Variants in CYP20A1 observed in about 807,000 individuals in gnomAD.
CYP20A1 encodes the protein cytochrome P450 20A1.
In CYP20A1, 61 loss-of-function variants were observed where a neutral mutation model predicts 61.4. The observed-to-expected ratio is 0.99, with a 90% CI of 0.81 to 1.23. The LOEUF (loss-of-function observed/expected upper bound fraction) is 1.23. Ranked by LOEUF, CYP20A1 falls within the 50% of genes most tolerant of loss-of-function variation. The pLI is 0.00. For synonymous variants in CYP20A1, 193 were observed against 188.2 expected (o/e 1.03, Z -0.21); for missense variants, 530 against 542.4 (o/e 0.98, Z 0.23).
chr2:203,292,472 C>T (rs2068578842), intron 11 of CYP20A1, 146 bp downstream of exon 11: 1 of 622,474 alleles, frequency 1.6e-6, no homozygotes, highest in Admixed American at 2.5e-5. Context: ...TCTTCTCTTT[C>T]TTTTGAGACA....
chr2:203,280,127 G>A lies in CYP20A1; in HGVS notation c.850+14G>A, dbSNP rs368767754. 1.9e-6 allele frequency: 3 copies of A among 1,590,164 alleles called. No homozygotes were observed. The highest frequency in any genetic ancestry group is 1.7e-4 in the Middle Eastern group (1 of 5,744). On this transcript the variant is annotated intron_variant, in intron 8 of 12. Transcript: ENST00000356079. ...TAACTGCAAAATGTAAGTATAAATT[G>A]ATTTCTTTTTCAGAGGAATTACTAA...
At chr2:203,267,583 G>T (rs574703545) in intron 5 of CYP20A1, among the ~76,000 whole-genome samples, 13 of 150,160 alleles carry the variant, frequency 8.7e-5, no homozygotes, top group African/African-American at 3.2e-4. Context: ...GGTGGCTCAC[G>T]CCTGTAATCT....
intron 9 of CYP20A1, among the ~76,000 whole-genome samples, chr2:203,286,602 A>G (rs1262401187): frequency 6.6e-6 from 1 of 151,976 alleles, no homozygotes; most frequent in Non-Finnish European, 1.5e-5. Context: ...AATACTGGCT[A>G]CTATATGATT....
intron 1 of CYP20A1, among the ~76,000 whole-genome samples, chr2:203,241,417 G>A (rs756971806): frequency 2.0e-5 from 3 of 152,204 alleles, no homozygotes; most frequent in Non-Finnish European, 1.5e-5. Flanking sequence ...AAAGCGAGGA[G>A]AACTGGTTGC....
chr2:203,251,779 C>CTA (rs1372940766), intron 3 of CYP20A1, among the ~76,000 whole-genome samples, 188 bp from the exon 4 acceptor site: 117 of 34,972 alleles, frequency 3.3e-3, no homozygotes, highest in African/African-American at 7.8e-3. Context: ...CAAAAGAAAA[C>CTA]TATATATATA....
At position 203,239,053 on chromosome 2, in the gene CYP20A1, CG is replaced by C. The variant is rs1340972067; in HGVS notation, c.-8del. ...CCGATCCGAGACGTGGCTCCCTGGG[CG>C]GCAGAACCATGTTGGACTTCGCGAT... On this transcript the variant is annotated 5_prime_UTR_variant, in exon 1 of 13. Transcript: ENST00000356079. The C allele has an allele frequency of 8.1e-6, 13 of 1,613,088 alleles. No individual in the cohort carries two copies. Among genetic ancestry groups the C allele is most frequent in the African/African-American group, 1.3e-5 (1 of 74,926 alleles).
At chr2:203,255,357 A>T (rs941018889) in intron 4 of CYP20A1, among the ~76,000 whole-genome samples, 1 of 152,260 alleles carries the variant, frequency 6.6e-6, no homozygotes, top group Non-Finnish European at 1.5e-5. Flanking sequence ...AAATAGCAAG[A>T]TCTAATAATC....
rs2068630627 is a variant in CYP20A1 at position 203,293,436 on chromosome 2, C to T, written c.1148+1110C>T. On this transcript the variant is annotated intron_variant, in intron 11 of 12. Coordinates refer to ENST00000356079, the MANE Select transcript of CYP20A1 (RefSeq NM_177538.3). ...TTCACCATGTTAGCCAGGATGGTCT[C>T]GATCTCCTGACCTCATGATCCACCC... Among the ~76,000 whole-genome samples the T allele has an allele frequency of 2.0e-5, 3 of 150,226 alleles. No individual in the cohort carries two copies. In the South Asian group the frequency reaches 6.3e-4, roughly 32 times the overall value.
At chr2:203,276,885 T>C (rs1294744142) in intron 6 of CYP20A1, among the ~76,000 whole-genome samples, 1 of 152,030 alleles carries the variant, frequency 6.6e-6, no homozygotes, top group Non-Finnish European at 1.5e-5. Flanking sequence ...AGGTAGTGAA[T>C]ATAGATAGAA....
Position 203,302,610 on chromosome 2 carries a change from CAT to C in CYP20A1, c.*5705_*5706del, listed in dbSNP as rs1375170023. Among the ~76,000 whole-genome samples, 1 of 152,272 alleles carries C rather than the reference CAT, an allele frequency of 6.6e-6. No individual in the cohort carries two copies. Among genetic ancestry groups the C allele is most frequent in the African/African-American group, 2.4e-5 (1 of 41,568 alleles). ...TATACAAAATATTATTTGCATTTAA[CAT>C]ATTCTGAACCAATAGTCTTTTCTAC... On this transcript the variant is annotated 3_prime_UTR_variant, in exon 13 of 13. Coordinates refer to ENST00000356079, the MANE Select transcript of CYP20A1 (RefSeq NM_177538.3).
chr2:203,243,268 C>T (rs1051340198), intron 1 of CYP20A1, among the ~76,000 whole-genome samples: 9 of 151,918 alleles, frequency 5.9e-5, no homozygotes, highest in African/African-American at 9.7e-5. Flanking sequence ...CTCATCCTCC[C>T]GAGAAGCTGA....
chr2:203,255,620 A>G (rs182568871), intron 4 of CYP20A1, among the ~76,000 whole-genome samples: 173 of 152,186 alleles, frequency 1.1e-3, no homozygotes, highest in African/African-American at 4.1e-3. Context: ...GTATCTGTGG[A>G]CTCTAGTTTG....
At chr2:203,250,169 T>A (rs1309607487) in intron 3 of CYP20A1, among the ~76,000 whole-genome samples, 1 of 151,838 alleles carries the variant, frequency 6.6e-6, no homozygotes, top group African/African-American at 2.4e-5. Context: ...TATATTAGCA[T>A]TGTTTATAAA....
At position 203,301,508 on chromosome 2, in the gene CYP20A1, C is replaced by T. The variant is rs1210233938; in HGVS notation, c.*4600C>T. 6.6e-6 allele frequency among the ~76,000 whole-genome samples: 1 copy of T among 152,008 alleles called. No homozygotes were observed. Among genetic ancestry groups the T allele is most frequent in the Non-Finnish European group, 1.5e-5 (1 of 68,014 alleles). ...CTTGTCTCAAACTCCTAGGCTCAAGCGATCCTCCCACCTGGGCCTCCCAAA... is the reference window on the plus strand; with the variant it reads ...CTTGTCTCAAACTCCTAGGCTCAAGTGATCCTCCCACCTGGGCCTCCCAAA... On this transcript the variant is annotated 3_prime_UTR_variant, in exon 13 of 13. Coordinates refer to ENST00000356079, the MANE Select transcript of CYP20A1 (RefSeq NM_177538.3).
At chr2:203,241,769 A>T (rs2066262742) in intron 1 of CYP20A1, among the ~76,000 whole-genome samples, 1 of 152,216 alleles carries the variant, frequency 6.6e-6, no homozygotes, top group South Asian at 2.1e-4. Context: ...GCCCCAGGCG[A>T]TCCTCGCACC....
At chr2:203,249,578 C>G (rs2066584327) in intron 3 of CYP20A1, among the ~76,000 whole-genome samples, 1 of 152,142 alleles carries the variant, frequency 6.6e-6, no homozygotes, top group African/African-American at 2.4e-5. Context: ...GGCATGGTGG[C>G]TCACGCCTGT....
chr2:203,251,817 A>ATATGTGTATATATATATAT (rs34111991), intron 3 of CYP20A1, 150 bp from the exon 4 acceptor site: 2 of 95,292 alleles, frequency 2.1e-5, no homozygotes, highest in African/African-American at 3.4e-5. Flanking sequence ...ATATATATAT[A>ATATGTGTATATATATATAT]AAAAATAAAA....
chr2:203,284,737 CTTTTTTT>C (rs748438150), intron 8 of CYP20A1, among the ~76,000 whole-genome samples: 9 of 99,116 alleles, frequency 9.1e-5, no homozygotes, highest in Non-Finnish European at 1.2e-4. Context: ...AGAACCACTG[CTTTTTTT>C]TTTTTTTTTT....
At chr2:203,292,965 T>G (rs55909985) in intron 11 of CYP20A1, among the ~76,000 whole-genome samples, 1 of 151,790 alleles carries the variant, frequency 6.6e-6, no homozygotes, top group Non-Finnish European at 1.5e-5. Context: ...CACAAGGTCA[T>G]GAGTTCAAGA....
Sources: allele counts gnomAD v4.1 joint callset (sites outside exome capture counted in the v4.1 genomes callset), GRCh38; gene constraint gnomAD v4.1.1; transcripts MANE v1.5; gene names NCBI Gene and HGNC (gene_info 2026-07-23, HGNC 2026-07-21).